NAA11: variants seen among roughly 807,000 people sequenced by gnomAD.
NAA11 encodes N-alpha-acetyltransferase 11, NatA catalytic subunit.
Under a neutral mutation model 16.1 loss-of-function variants are expected in NAA11, and 15 were observed. The ratio of observed to expected loss-of-function variants is 0.93; its 90% CI spans 0.62 to 1.44. The LOEUF is 1.44. NAA11 is among the 40% of genes most tolerant of loss of function. The pLI is 0.00. For synonymous variants in NAA11, 122 were observed against 112.4 expected (o/e 1.09, Z -0.54); for missense variants, 298 against 291.3 (o/e 1.02, Z -0.17).
At chr4:79,220,363 G>A in the NAA11 span, among the ~76,000 whole-genome samples, 2 of 152,112 alleles carry the variant, frequency 1.3e-5, no homozygotes, top group African/African-American at 2.4e-5. Context: ...AAAGTGCTGG[G>A]ATTACAGACA....
At chr4:79,253,068 A>AG (rs1722030960) in intron 2 of NAA11, among the ~76,000 whole-genome samples, 2 of 152,190 alleles carry the variant, frequency 1.3e-5, no homozygotes, top group Admixed American at 1.3e-4. Flanking sequence ...TATATTTTGA[A>AG]GTTTAAGTCA....
chr4:79,240,460 GA>G (rs2109960829), intron 2 of NAA11, among the ~76,000 whole-genome samples: 1 of 152,264 alleles, frequency 6.6e-6, no homozygotes, highest in African/African-American at 2.4e-5. Flanking sequence ...CAAGGGTCTG[GA>G]AATCAAAGGG....
the NAA11 span, among the ~76,000 whole-genome samples, chr4:79,177,012 T>A: frequency 6.6e-6 from 1 of 152,282 alleles, no homozygotes; most frequent in Middle Eastern, 3.4e-3. Flanking sequence ...GTAAGCCCTA[T>A]AAATAGTCAC....
chr4:79,325,961 G>A lies in NAA11; in HGVS notation c.-84C>T, dbSNP rs1724268113. The A allele has an allele frequency of 3.2e-6, 4 of 1,251,636 alleles. No homozygotes were observed. The highest frequency in any genetic ancestry group is 1.5e-5 in the African/African-American group (1 of 66,548). 77.5% of individuals were successfully genotyped at this position (1,251,636 alleles called of 1,614,324 possible). ...ACCTTAAGGGGCACTGTTTGCCTCA[G>A]GAATCGAGTCCAGGGGGCTAACACC... On this transcript the variant is annotated 5_prime_UTR_variant, in exon 1 of 2. Transcript: ENST00000286794.
At chr4:79,223,681 A>G (rs1025894159), downstream of NAA11, among the ~76,000 whole-genome samples, 4 of 149,648 alleles carry the variant, frequency 2.7e-5, no homozygotes, top group African/African-American at 7.4e-5. Context: ...ACCAGTTGCT[A>G]TTTTTCTTTT....
At chr4:79,185,795 G>C in the NAA11 span, among the ~76,000 whole-genome samples, 3 of 151,946 alleles carry the variant, frequency 2.0e-5, no homozygotes, top group African/African-American at 7.3e-5. Context: ...AAGCCTGGCA[G>C]GAAACTCTTT....
intron 2 of NAA11, among the ~76,000 whole-genome samples, chr4:79,237,634 T>C (rs1376635183): frequency 6.6e-6 from 1 of 152,194 alleles, no homozygotes; most frequent in African/African-American, 2.4e-5. Flanking sequence ...TGATTTCTAC[T>C]TGCTTGTTAA....
chr4:79,325,675 G>A lies in NAA11; in HGVS notation c.203C>T (p.Pro68Leu), dbSNP rs763651361. 8 of 1,613,948 alleles carry A rather than the reference G, an allele frequency of 5.0e-6. No individual in the cohort carries two copies. The highest frequency in any genetic ancestry group is 2.7e-5 in the African/African-American group (2 of 74,900). Residue 68 changes from proline (P) to leucine (L), a missense_variant, in exon 1 of 2, where the codon CCG (proline) becomes CTG (leucine). By Grantham distance (98) the Pro-to-Leu change is moderately conservative (BLOSUM62 -3). Coordinates refer to ENST00000286794, the MANE Select transcript of NAA11 (RefSeq NM_032693.3). The stretch of plus-strand genomic sequence containing the variant: ...GGCCAGTGAGGTGATATGGCCATGC[G>A]GGACATCATCTGGTTCCTCCTCCAT... ...AKMEEEPDDV[P>L]HGHITSLAVK...
intron 2 of NAA11, among the ~76,000 whole-genome samples, chr4:79,239,180 A>G (rs920934622): frequency 6.6e-6 from 1 of 152,224 alleles, no homozygotes; most frequent in Non-Finnish European, 1.5e-5. Context: ...GGAGTCTTGT[A>G]GCTGGATTCA....
intron 2 of NAA11, among the ~76,000 whole-genome samples, chr4:79,258,013 G>A (rs1722159427): frequency 6.6e-6 from 1 of 152,234 alleles, no homozygotes; most frequent in Admixed American, 6.5e-5. Context: ...CCCATCTGGA[G>A]CGGCTACTGC....
chr4:79,185,907 A>C, the NAA11 span, among the ~76,000 whole-genome samples: 1 of 151,550 alleles, frequency 6.6e-6, no homozygotes, highest in East Asian at 1.9e-4. Context: ...GAACTAGTTC[A>C]CACGAAGTGT....
intron 2 of NAA11, among the ~76,000 whole-genome samples, chr4:79,234,193 G>A (rs971204829): frequency 1.3e-5 from 2 of 152,070 alleles, no homozygotes; most frequent in Non-Finnish European, 2.9e-5. Context: ...AAATGATTTC[G>A]AGGTTATCCT....
At chr4:79,162,888 G>A in the NAA11 span, among the ~76,000 whole-genome samples, 1 of 152,172 alleles carries the variant, frequency 6.6e-6, no homozygotes, top group South Asian at 2.1e-4. Flanking sequence ...AAGATAAATA[G>A]AAGTAAATAG....
At chr4:79,170,195 T>A in the NAA11 span, among the ~76,000 whole-genome samples, 1 of 152,194 alleles carries the variant, frequency 6.6e-6, no homozygotes, top group African/African-American at 2.4e-5. Context: ...GGTCCTGCAC[T>A]CAGAAGGGCC....
At chr4:79,325,130 C>T (rs1560481041) in intron 1 of NAA11, 46 bp downstream of exon 1, 2 of 1,475,448 alleles carry the variant, frequency 1.4e-6, no homozygotes, top group South Asian at 1.3e-5. Context: ...AGGCAGGATG[C>T]AGGGATTTAG....
At chr4:79,312,395 A>T (rs1257125991), downstream of NAA11, among the ~76,000 whole-genome samples, 3 of 152,080 alleles carry the variant, frequency 2.0e-5, no homozygotes, top group Non-Finnish European at 4.4e-5. Flanking sequence ...TCATGCCTGT[A>T]ATCCCAGCAC....
At chr4:79,282,418 A>G (rs1468078587) in intron 2 of NAA11, among the ~76,000 whole-genome samples, 1 of 152,086 alleles carries the variant, frequency 6.6e-6, no homozygotes, top group East Asian at 1.9e-4. Flanking sequence ...ATATTAGGAG[A>G]CAATAGAAGA....
the NAA11 span, among the ~76,000 whole-genome samples, chr4:79,180,672 C>A: frequency 6.6e-6 from 1 of 151,888 alleles, no homozygotes; most frequent in African/African-American, 2.4e-5. Flanking sequence ...GACAGTGTGG[C>A]GATTCCTCAA....
At chr4:79,268,028 A>G (rs1032159751) in intron 2 of NAA11, among the ~76,000 whole-genome samples, 7 of 128,612 alleles carry the variant, frequency 5.4e-5, no homozygotes, top group Non-Finnish European at 8.9e-5. Flanking sequence ...TGTGAAAGCA[A>G]CTTTGTCATG....
Sources: allele counts gnomAD v4.1 joint callset (sites outside exome capture counted in the v4.1 genomes callset), GRCh38; gene constraint gnomAD v4.1.1; transcripts MANE v1.5; gene names NCBI Gene and HGNC (gene_info 2026-07-23, HGNC 2026-07-21).